The following NHSL2 variants were observed in gnomAD, a reference collection of about 807,000 sequenced individuals.
NHSL2 encodes the protein NHS like 2.
A neutral mutation model predicts 53.4 loss-of-function variants in NHSL2; 27 were observed. That is an observed-to-expected ratio of 0.51 (90% CI 0.37 to 0.70). NHSL2 has a LOEUF of 0.70. NHSL2 is among the 30% of genes least tolerant of loss of function. NHSL2 has a pLI of 0.00. For missense variants in NHSL2, 892 were observed against 980.1 expected, an observed-to-expected ratio of 0.91 and a Z score of 1.20; for synonymous variants, 408 against 404.1, an observed-to-expected ratio of 1.01 and a Z score of -0.12.
chrX:72,027,859 G>T (rs932565966), intron 1 of NHSL2, among the ~76,000 whole-genome samples: 1 of 110,474 alleles, frequency 9.1e-6, no homozygotes, highest in Non-Finnish European at 1.9e-5. Context: ...TCCACTAGGG[G>T]TTTTGTATTA....
chrX:72,041,629 G>T (rs186454876), intron 1 of NHSL2, among the ~76,000 whole-genome samples: 14 of 112,239 alleles, frequency 1.2e-4, no homozygotes, highest in African/African-American at 4.2e-4. Context: ...CCAGGGCCAG[G>T]CACCCTGCTC....
chrX:71,942,972 CTGTGTGTGTGTG>C (rs58935869), intron 1 of NHSL2, among the ~76,000 whole-genome samples: 84 of 74,020 alleles, frequency 1.1e-3, no homozygotes, highest in South Asian at 0.01. Flanking sequence ...CTCTCTCTCT[CTGTGTGTGTGTG>C]TGTGTGTGTG....
chrX:72,006,678 G>A (rs1465260997), intron 1 of NHSL2, among the ~76,000 whole-genome samples: 1 of 112,305 alleles, frequency 8.9e-6, no homozygotes, highest in Non-Finnish European at 1.9e-5. Context: ...TCAGCCTCCC[G>A]AGGAGCTGGG....
rs905951806 is a variant in NHSL2 at position 72,140,053 on chromosome X, G to A, written c.2505G>A (p.Ser835=). 6 of 1,207,462 alleles carry A rather than the reference G, an allele frequency of 5.0e-6. No homozygotes were observed. Among genetic ancestry groups the A allele is most frequent in the South Asian group, 1.8e-5 (1 of 56,306 alleles). Reference sequence around the variant, plus strand: ...ACCTACGTTCTGTTCGCCTGAGGTCGGTCAGCAAGTCTGAGCCGGAAGATG... The same window carrying A: ...ACCTACGTTCTGTTCGCCTGAGGTCAGTCAGCAAGTCTGAGCCGGAAGATG... ...QSDLRSVRLR[S]VSKSEPEDDI... Residue 835 remains serine (S), a synonymous_variant, in exon 6 of 8, where the codon TCG becomes TCA. Transcript: ENST00000633930.
At chrX:72,091,033 G>A (rs1351347267) in intron 1 of NHSL2, among the ~76,000 whole-genome samples, 2 of 111,871 alleles carry the variant, frequency 1.8e-5, no homozygotes, top group Non-Finnish European at 1.9e-5. Context: ...TGGAGTTGTT[G>A]CCAGTATTTT....
intron 1 of NHSL2, among the ~76,000 whole-genome samples, chrX:71,942,046 G>T (rs1343603781): frequency 9.1e-6 from 1 of 109,349 alleles, no homozygotes; most frequent in Non-Finnish European, 1.9e-5. Flanking sequence ...ATTTGGAAGG[G>T]GGCTAGAGGA....
intron 1 of NHSL2, among the ~76,000 whole-genome samples, chrX:71,977,461 A>T (rs2041953620): frequency 1.0e-5 from 1 of 97,275 alleles, no homozygotes; most frequent in African/African-American, 3.9e-5. Flanking sequence ...TCACTTTGTC[A>T]TTCAGGCTGG....
intron 1 of NHSL2, among the ~76,000 whole-genome samples, chrX:71,985,673 C>T (rs894507586): frequency 1.8e-5 from 2 of 112,006 alleles, no homozygotes; most frequent in African/African-American, 6.5e-5. Context: ...CAAAAGGATC[C>T]GCAATGCTTT....
chrX:71,961,024 C>T (rs1328876052), intron 1 of NHSL2, among the ~76,000 whole-genome samples: 3 of 112,095 alleles, frequency 2.7e-5, no homozygotes, highest in African/African-American at 9.7e-5. Flanking sequence ...GACTGTATTT[C>T]TGTTTATTTA....
chrX:72,043,285 T>C (rs1420652542), intron 1 of NHSL2, among the ~76,000 whole-genome samples: 2 of 111,899 alleles, frequency 1.8e-5, no homozygotes, highest in Non-Finnish European at 3.8e-5. Flanking sequence ...TTGAGGTCTC[T>C]GCAAATTGAA....
intron 1 of NHSL2, among the ~76,000 whole-genome samples, chrX:72,069,264 G>A (rs754413566): frequency 1.7e-4 from 19 of 111,189 alleles, no homozygotes; most frequent in African/African-American, 5.2e-4. Flanking sequence ...GTCGGGTCCC[G>A]GGGGGTGCCT....
At chrX:72,128,750 CTCTG>C (rs771806278) in intron 1 of NHSL2, 2 of 113,022 alleles carry the variant, frequency 1.8e-5, no homozygotes, top group South Asian at 7.1e-4. Context: ...TGGGCCCTCT[CTCTG>C]TCTGTCCCAG....
At chrX:72,069,766 C>T (rs1313718075) in intron 1 of NHSL2, 1 of 870,071 alleles carries the variant, frequency 1.1e-6, no homozygotes, top group Non-Finnish European at 1.4e-6. Context: ...ACTCTTTTCC[C>T]TTCCCTCCTT....
At chrX:72,066,546 G>A (rs1189364114) in intron 1 of NHSL2, among the ~76,000 whole-genome samples, 2 of 111,446 alleles carry the variant, frequency 1.8e-5, no homozygotes, top group East Asian at 5.7e-4. Flanking sequence ...CATGGGACAC[G>A]AGATATAGGC....
intron 1 of NHSL2, among the ~76,000 whole-genome samples, chrX:71,979,628 T>A (rs1196066889): frequency 5.3e-5 from 6 of 112,443 alleles, no homozygotes; most frequent in East Asian, 2.8e-4. Context: ...TTCTTGTAAA[T>A]TTGTTTAAGT....
intron 1 of NHSL2, among the ~76,000 whole-genome samples, chrX:71,919,009 C>G (rs1340154486): frequency 9.0e-6 from 1 of 111,547 alleles, no homozygotes; most frequent in Non-Finnish European, 1.9e-5. Flanking sequence ...ACAGAGCACC[C>G]ACACAGACAC....
chrX:72,068,806 G>A (rs1385422926), intron 1 of NHSL2, among the ~76,000 whole-genome samples: 1 of 112,058 alleles, frequency 8.9e-6, no homozygotes, highest in Non-Finnish European at 1.9e-5. Context: ...CCCTCCCCTG[G>A]GAAGGCAAAG....
At chrX:71,919,399 A>G (rs1409994266) in intron 1 of NHSL2, among the ~76,000 whole-genome samples, 1 of 112,032 alleles carries the variant, frequency 8.9e-6, no homozygotes, top group East Asian at 2.8e-4. Flanking sequence ...CTATGCTGCA[A>G]CCATGGACAC....
chrX:72,083,309 G>A (rs887969479), intron 1 of NHSL2, among the ~76,000 whole-genome samples: 1 of 113,144 alleles, frequency 8.8e-6, no homozygotes, highest in Non-Finnish European at 1.9e-5. Flanking sequence ...TTCACAGTCT[G>A]CGAAGTGGCA....
Sources: gnomAD v4.1 joint callset for allele counts (sites outside exome capture counted in the v4.1 genomes callset) on GRCh38, gnomAD v4.1.1 for gene constraint, MANE v1.5 for transcripts, NCBI Gene and HGNC (gene_info 2026-07-23, HGNC 2026-07-21) for gene names.